Variants in NRXN3 observed in about 807,000 individuals in gnomAD.
NRXN3 encodes the protein neurexin III.
A neutral mutation model predicts 137.6 loss-of-function variants in NRXN3; 32 were observed. That is an observed-to-expected ratio of 0.23 (90% CI 0.18 to 0.31). The LOEUF (loss-of-function observed/expected upper bound fraction) is 0.31. NRXN3 is among the 10% of genes least tolerant of loss of function. The pLI, the probability that NRXN3 is intolerant of heterozygous loss-of-function variation, is 1.00. For missense variants in NRXN3, 1,574 were observed against 2,062.5 expected, an observed-to-expected ratio of 0.76 and a Z score of 4.59; for synonymous variants, 798 against 784.5, an observed-to-expected ratio of 1.02 and a Z score of -0.29.
At chr14:78,449,849 A>T (rs1271123805) in intron 4 of NRXN3, among the ~76,000 whole-genome samples, 1 of 152,250 alleles carries the variant, frequency 6.6e-6, no homozygotes, top group Non-Finnish European at 1.5e-5. Flanking sequence ...CCTAAAGTCA[A>T]TGATGGTATA....
At chr14:79,470,894 G>A (rs1175629719) in intron 16 of NRXN3, among the ~76,000 whole-genome samples, 3 of 143,716 alleles carry the variant, frequency 2.1e-5, no homozygotes, top group Non-Finnish European at 4.4e-5. Flanking sequence ...GAGAAAGAGA[G>A]AGAGAGAGTG....
rs574716352 is a variant in NRXN3 at position 79,713,164 on chromosome 14, CTTTTT to C, written c.4014+15249_4014+15253del. 3.1e-3 allele frequency among the ~76,000 whole-genome samples: 251 copies of C among 80,898 alleles called. 2 individuals carry two copies. The highest frequency in any genetic ancestry group is 0.012 in the African/African-American group (234 of 19,092). The allele number at this position is 80,898 out of a possible 152,430, so 53.1% of individuals were successfully genotyped here. On this transcript the variant is annotated intron_variant, in intron 19 of 20. Coordinates refer to ENST00000335750, the MANE Select transcript of NRXN3 (RefSeq NM_001330195.2). ...AATTCCTTGACTGCACTGATTTTTACTTTTTTTTTTTTTTTTTTTTTTTTTTACCC... is the reference window on the plus strand; with the variant it reads ...AATTCCTTGACTGCACTGATTTTTACTTTTTTTTTTTTTTTTTTTTTACCC...
chr14:78,453,735 C>G (rs2094606773), intron 4 of NRXN3, among the ~76,000 whole-genome samples: 2 of 152,022 alleles, frequency 1.3e-5, no homozygotes, highest in South Asian at 4.1e-4. Flanking sequence ...TGAGTATGTT[C>G]TCATAAAAAG....
At chr14:78,563,393 A>T (rs2096805574) in intron 4 of NRXN3, among the ~76,000 whole-genome samples, 1 of 152,174 alleles carries the variant, frequency 6.6e-6, no homozygotes, top group Non-Finnish European at 1.5e-5. Context: ...TTTGATGAAA[A>T]ACGTGGTTAA....
At chr14:78,912,628 TTAGA>T (rs1226354888) in intron 10 of NRXN3, among the ~76,000 whole-genome samples, 1 of 151,950 alleles carries the variant, frequency 6.6e-6, no homozygotes, top group African/African-American at 2.4e-5. Context: ...GTTCAAAAGG[TTAGA>T]TAGAACTTGG....
At chr14:78,838,937 C>T (rs1009320249) in intron 10 of NRXN3, among the ~76,000 whole-genome samples, 2 of 152,130 alleles carry the variant, frequency 1.3e-5, no homozygotes, top group Non-Finnish European at 2.9e-5. Context: ...GCTTCATACC[C>T]TCTACTAGCC....
At chr14:79,427,211 G>A (rs1239902893) in intron 15 of NRXN3, among the ~76,000 whole-genome samples, 1 of 152,150 alleles carries the variant, frequency 6.6e-6, no homozygotes, top group East Asian at 1.9e-4. Flanking sequence ...CCTGTAAACA[G>A]CCTCAGGGAA....
chr14:78,996,198 T>TA (rs2099529718), intron 15 of NRXN3, among the ~76,000 whole-genome samples: 1 of 152,174 alleles, frequency 6.6e-6, no homozygotes. Flanking sequence ...CATACACAAT[T>TA]ACGTTTTTTA....
chr14:78,792,949 A>G (rs908033185), intron 8 of NRXN3, among the ~76,000 whole-genome samples: 1 of 152,192 alleles, frequency 6.6e-6, no homozygotes, highest in South Asian at 2.1e-4. Context: ...AGCTCTTTTT[A>G]AAAATGTTGT....
intron 4 of NRXN3, among the ~76,000 whole-genome samples, chr14:78,549,052 C>T (rs1309995071): frequency 6.6e-6 from 1 of 152,238 alleles, no homozygotes; most frequent in Non-Finnish European, 1.5e-5. Flanking sequence ...CTCTTTCCCC[C>T]TTTCTGACAT....
intron 10 of NRXN3, among the ~76,000 whole-genome samples, chr14:78,933,323 G>A (rs1187237308): frequency 6.6e-6 from 1 of 152,222 alleles, no homozygotes; most frequent in East Asian, 1.9e-4. Context: ...TAAAGTAGAT[G>A]TAAATATAGC....
intron 16 of NRXN3, among the ~76,000 whole-genome samples, chr14:79,655,660 T>C (rs1467459129): frequency 6.6e-6 from 1 of 152,180 alleles, no homozygotes. Flanking sequence ...TTCTCAATAG[T>C]GGCACTATTG....
At chr14:78,447,564 A>G (rs1384766791) in intron 4 of NRXN3, among the ~76,000 whole-genome samples, 6 of 152,196 alleles carry the variant, frequency 3.9e-5, no homozygotes, top group Admixed American at 3.9e-4. Context: ...AAGGAGAGAA[A>G]AACTCATAAA....
At chr14:79,130,303 G>T (rs144076290) in intron 15 of NRXN3, among the ~76,000 whole-genome samples, 1 of 151,966 alleles carries the variant, frequency 6.6e-6, no homozygotes, top group Non-Finnish European at 1.5e-5. Flanking sequence ...GCATGATTTT[G>T]CAGCGGCTGG....
At chr14:79,442,665 G>T (rs2095985236) in intron 15 of NRXN3, among the ~76,000 whole-genome samples, 1 of 152,114 alleles carries the variant, frequency 6.6e-6, no homozygotes, top group Non-Finnish European at 1.5e-5. Context: ...TAAAAAGCAG[G>T]CGTCTGAAAT....
chr14:78,612,064 AGCT>A lies in NRXN3; in HGVS notation c.758-33055_758-33053del, dbSNP rs1280901534. On this transcript the variant is annotated intron_variant, in intron 4 of 20. Transcript: ENST00000335750. The stretch of plus-strand genomic sequence containing the variant: ...AAGTGGGGGCATTTTGGTGGCCAAC[AGCT>A]TTCTGTTTTGCAAAAGACCGTGGTA... Among the ~76,000 whole-genome samples, 12 of 152,338 alleles carry A rather than the reference AGCT, an allele frequency of 7.9e-5. No individual in the cohort carries two copies. The South Asian group carries it at 1.9e-3, about 24-fold the overall frequency.
At chr14:78,714,605 G>A (rs17835638) in intron 7 of NRXN3, 151 bp from the exon 8 acceptor site, 12,729 of 953,004 alleles carry the variant, frequency 0.013, 112 homozygotes, top group Non-Finnish European at 0.017. Flanking sequence ...GGCCTACATT[G>A]TCTTTTCCAT....
chr14:78,570,449 T>A (rs1178220783), intron 4 of NRXN3, among the ~76,000 whole-genome samples: 1 of 152,166 alleles, frequency 6.6e-6, no homozygotes, highest in Non-Finnish European at 1.5e-5. Context: ...CCAACCTGTT[T>A]GGAGTGTTTT....
intron 4 of NRXN3, among the ~76,000 whole-genome samples, chr14:78,298,650 T>C (rs903122729): frequency 6.6e-6 from 1 of 152,182 alleles, no homozygotes; most frequent in Non-Finnish European, 1.5e-5. Flanking sequence ...CTAGTTAAAA[T>C]TGTCTTTTCC....
Sources: allele counts gnomAD v4.1 joint callset (sites outside exome capture counted in the v4.1 genomes callset), GRCh38; gene constraint gnomAD v4.1.1; transcripts MANE v1.5; gene names NCBI Gene and HGNC (gene_info 2026-07-23, HGNC 2026-07-21).